The following CSNK2A1 variants were observed in gnomAD, a reference collection of about 807,000 sequenced individuals.
CSNK2A1 encodes the protein casein kinase 2 alpha 1.
In CSNK2A1, 10 loss-of-function variants were observed where a neutral mutation model predicts 62.9. The ratio of observed to expected loss-of-function variants is 0.16; its 90% confidence interval spans 0.10 to 0.27. The LOEUF is 0.27. CSNK2A1 is among the 10% of genes least tolerant of loss of function. The probability of loss-of-function intolerance (pLI) is 1.00; values close to 1 mark genes in which losing one functional copy is unlikely to be tolerated. For synonymous variants in CSNK2A1, 124 were observed against 167.8 expected, an observed-to-expected ratio of 0.74 and a Z score of 2.02; for missense variants, 160 against 492.0, an observed-to-expected ratio of 0.33 and a Z score of 6.38.
At chr20:540,407 C>G (rs2019425097) in intron 1 of CSNK2A1, among the ~76,000 whole-genome samples, 1 of 152,230 alleles carries the variant, frequency 6.6e-6, no homozygotes, top group Admixed American at 6.5e-5. Flanking sequence ...GGATACAATT[C>G]TGCTAAACTT....
At position 492,441 on chromosome 20, in the gene CSNK2A1, A is replaced by C; in HGVS notation, c.511-77T>G. 2.8e-6 allele frequency: 4 copies of C among 1,409,086 alleles called. No individual in the cohort carries two copies. In the South Asian group the frequency reaches 3.6e-5, roughly 13 times the overall value. The allele number at this position is 1,409,086 out of a possible 1,614,324, so 87.3% of individuals were successfully genotyped here. A position where few individuals can be genotyped will look rare whatever the true frequency, so the allele number is the denominator to read the frequency against. ...CTGTGCCATTAGCATACTCTTGATA[A>C]AATATACCAGACACGTCACTCTTTA... On this transcript the variant is annotated intron_variant, in intron 8 of 13. Transcript: ENST00000217244.
At position 480,357 on chromosome 20, in the gene CSNK2A1, T is replaced by G. The variant is rs1006089844; in HGVS notation, c.*3604A>C. 6.6e-6 allele frequency: 1 copy of G among 151,148 alleles called. No individual in the cohort carries two copies. The highest frequency in any genetic ancestry group is 6.6e-5 in the Admixed American group (1 of 15,168). 9.4% of individuals were successfully genotyped at this position (151,148 alleles called of 1,614,324 possible). On this transcript the variant is annotated 3_prime_UTR_variant, in exon 14 of 14. Transcript: ENST00000217244. ...ACCTATTATTACAAGCCAAGTAGGG[T>G]GTTAAATATTTTCCTCGTGCCATTC...
intron 2 of CSNK2A1, among the ~76,000 whole-genome samples, chr20:514,308 C>T (rs2018785192): frequency 6.6e-6 from 1 of 151,914 alleles, no homozygotes; most frequent in African/African-American, 2.4e-5. Context: ...CTCACCACTG[C>T]ACTCCAACCT....
intron 2 of CSNK2A1, among the ~76,000 whole-genome samples, chr20:520,369 A>T (rs1221899636): frequency 6.6e-6 from 1 of 152,192 alleles, no homozygotes; most frequent in Admixed American, 6.5e-5. Flanking sequence ...TGGCAAAAGG[A>T]TAATACATAG....
intron 1 of CSNK2A1, chr20:543,270 C>T (rs1004670255): frequency 6.5e-6 from 1 of 154,842 alleles, no homozygotes; most frequent in Admixed American, 6.5e-5. Context: ...TCACTGCACA[C>T]TACCCAGCAG....
At chr20:533,131 CA>C (rs957349649) in intron 1 of CSNK2A1, among the ~76,000 whole-genome samples, 2 of 151,786 alleles carry the variant, frequency 1.3e-5, no homozygotes, top group African/African-American at 4.8e-5. Context: ...CTCAAAAAAA[CA>C]AAAAAATATC....
In CSNK2A1 at chr20:473,005, C is replaced by T. The variant is rs7262943; in HGVS notation, c.*10956G>A. 0.034 allele frequency: 5,175 copies of T among 152,328 alleles called. 300 individuals are homozygous for T. The highest frequency in any genetic ancestry group is 0.12 in the African/African-American group (4,890 of 41,500). The allele number at this position is 152,328 out of a possible 1,614,324, so 9.4% of individuals were successfully genotyped here. On this transcript the variant is annotated 3_prime_UTR_variant, in exon 14 of 14. Transcript: ENST00000217244. ...CCTGGGCAACAGAGCAAGACCTTGTCTCTAAAAAGTAAATAAAAAAAAGAG... is the reference window on the plus strand; with the variant it reads ...CCTGGGCAACAGAGCAAGACCTTGTTTCTAAAAAGTAAATAAAAAAAAGAG...
At position 529,698 on chromosome 20, in the gene CSNK2A1, G is replaced by C. The variant is rs1211703816; in HGVS notation, c.-226-1649C>G. On this transcript the variant is annotated intron_variant, in intron 1 of 13. Coordinates refer to ENST00000217244, the MANE Select transcript of CSNK2A1 (RefSeq NM_177559.3). The stretch of plus-strand genomic sequence containing the variant: ...GAACAAATCTTCTATCAGTGATAAT[G>C]TGAAGAGGGAAAAATAAATTCACAT... Among the ~76,000 whole-genome samples, 4 of 152,216 alleles carry C rather than the reference G, an allele frequency of 2.6e-5. No individual in the cohort carries two copies. The East Asian group carries it at 7.7e-4, about 29-fold the overall frequency.
intron 11 of CSNK2A1, 191 bp from the exon 12 acceptor site, chr20:487,766 A>C: frequency 1.5e-6 from 1 of 681,142 alleles, no homozygotes; most frequent in Non-Finnish European, 2.4e-6. Context: ...GAAACAACAT[A>C]GCTAGAGTGA....
intron 3 of CSNK2A1, chr20:506,158 G>A (rs978472158): frequency 6.6e-6 from 1 of 152,354 alleles, no homozygotes; most frequent in East Asian, 1.9e-4. Context: ...TTACAGGCGT[G>A]AGCCACCGCA....
At chr20:543,596 G>A (rs2019501199) in intron 1 of CSNK2A1, 76 bp downstream of exon 1, 1 of 397,054 alleles carries the variant, frequency 2.5e-6, no homozygotes, top group African/African-American at 2.1e-5. Flanking sequence ...GAAGCGTGAG[G>A]GTCGGCCGCG....
intron 2 of CSNK2A1, among the ~76,000 whole-genome samples, chr20:521,635 T>G (rs2018950362): frequency 6.6e-6 from 1 of 152,222 alleles, no homozygotes; most frequent in Non-Finnish European, 1.5e-5. Flanking sequence ...TTCATAATTG[T>G]GAAAAAACAG....
chr20:475,044 C>T lies in CSNK2A1; in HGVS notation c.*8917G>A, dbSNP rs1464385959. ...AGCAAATACAACATTTAGGTACCAC[C>T]CCAATAAACACAACACCGAGGACCC... On this transcript the variant is annotated 3_prime_UTR_variant, in exon 14 of 14. Coordinates refer to ENST00000217244, the MANE Select transcript of CSNK2A1 (RefSeq NM_177559.3). The T allele has an allele frequency of 6.6e-6, 1 of 152,096 alleles. No individual in the cohort carries two copies. The highest frequency in any genetic ancestry group is 1.5e-5 in the Non-Finnish European group (1 of 68,030). 9.4% of individuals were successfully genotyped at this position (152,096 alleles called of 1,614,324 possible). A position where few individuals can be genotyped will look rare whatever the true frequency, so the allele number is the denominator to read the frequency against.
Position 479,969 on chromosome 20 carries a change from C to T in CSNK2A1, c.*3992G>A, listed in dbSNP as rs965040884. The T allele has an allele frequency of 6.6e-6, 1 of 152,088 alleles. No individual in the cohort carries two copies. Among genetic ancestry groups the T allele is most frequent in the African/African-American group, 2.4e-5 (1 of 41,396 alleles). 9.4% of individuals were successfully genotyped at this position (152,088 alleles called of 1,614,324 possible). A position where few individuals can be genotyped will look rare whatever the true frequency, so the allele number is the denominator to read the frequency against. On this transcript the variant is annotated 3_prime_UTR_variant, in exon 14 of 14. Coordinates refer to ENST00000217244, the MANE Select transcript of CSNK2A1 (RefSeq NM_177559.3). ...AAATTCAAAACACTTCTGGTCCCAA[C>T]CATTTTGGATAGGGGATATTCAACC...
rs577873595 is a variant in CSNK2A1 at position 538,590 on chromosome 20, T to G, written c.-227+5082A>C. On this transcript the variant is annotated intron_variant, in intron 1 of 13. Coordinates refer to ENST00000217244, the MANE Select transcript of CSNK2A1 (RefSeq NM_177559.3). Reference sequence around the variant, plus strand: ...AAAAGAAAAGACTTTTCTTAAAAGCTAGAAACTCCATTCTGTAGTGATGAT... The same window carrying G: ...AAAAGAAAAGACTTTTCTTAAAAGCGAGAAACTCCATTCTGTAGTGATGAT... Among the ~76,000 whole-genome samples the G allele has an allele frequency of 1.1e-4, 17 of 152,296 alleles. No individual in the cohort carries two copies. The South Asian group carries it at 3.5e-3, about 32-fold the overall frequency.
chr20:506,749 G>A (rs977655715), intron 3 of CSNK2A1: 1 of 152,206 alleles, frequency 6.6e-6, no homozygotes, highest in African/African-American at 2.4e-5. Context: ...AATAATCATG[G>A]CAGGTGTAGG....
chr20:493,139 C>T (rs1432607037), intron 8 of CSNK2A1, among the ~76,000 whole-genome samples: 5 of 152,154 alleles, frequency 3.3e-5, no homozygotes, highest in African/African-American at 7.2e-5. Context: ...TCCCCCTGTT[C>T]GGTTAAAGGT....
chr20:505,603 T>C (rs6052519), intron 3 of CSNK2A1, among the ~76,000 whole-genome samples: 17,583 of 151,032 alleles, frequency 0.12, 1,296 homozygotes, highest in African/African-American at 0.2. Flanking sequence ...ACCTCGTGAT[T>C]CGTCCGCCTC....
At chr20:495,678 C>T in intron 8 of CSNK2A1, 41 bp downstream of exon 8, 1 of 1,562,270 alleles carries the variant, frequency 6.4e-7, no homozygotes, top group Non-Finnish European at 8.8e-7. Flanking sequence ...CAATTAGCTA[C>T]ATCATGTAGA....
Sources: allele counts gnomAD v4.1 joint callset (sites outside exome capture counted in the v4.1 genomes callset), GRCh38; gene constraint gnomAD v4.1.1; transcripts MANE v1.5; gene names NCBI Gene and HGNC (gene_info 2026-07-23, HGNC 2026-07-21).